LRP5: variants seen among roughly 807,000 people sequenced by gnomAD.
LRP5 encodes the protein LDL receptor related protein 5, also known as low-density lipoprotein receptor-related protein 5.
LRP5 carries 62 observed loss-of-function variants against 154.1 expected under a neutral mutation model. The observed-to-expected ratio is 0.40, with a 90% CI of 0.33 to 0.50. The LOEUF is 0.50. LRP5 is among the 20% of genes least tolerant of loss of function. The pLI, the probability that LRP5 is intolerant of heterozygous loss-of-function variation, is 0.55. For missense variants in LRP5, 1,915 were observed against 2,336.7 expected, an observed-to-expected ratio of 0.82 and a Z score of 3.72; for synonymous variants, 966 against 1,011.5, an observed-to-expected ratio of 0.96 and a Z score of 0.85.
chr11:68,402,360 G>T (rs1208663013), intron 7 of LRP5, among the ~76,000 whole-genome samples: 1 of 152,066 alleles, frequency 6.6e-6, no homozygotes, highest in Non-Finnish European at 1.5e-5. Context: ...TGGCTTTTGC[G>T]GTGGTTGCTT....
At chr11:68,300,713 G>C in the LRP5 span, among the ~76,000 whole-genome samples, 3 of 149,478 alleles carry the variant, frequency 2.0e-5, 1 homozygote, top group African/African-American at 7.3e-5. Flanking sequence ...GAGGTCCATG[G>C]TCCAGCTCCT....
intron 1 of LRP5, among the ~76,000 whole-genome samples, chr11:68,341,635 C>T (rs1162320668): frequency 6.6e-6 from 1 of 152,026 alleles, no homozygotes; most frequent in Non-Finnish European, 1.5e-5. Context: ...CCCAGAGGAC[C>T]AGCACCCGCC....
chr11:68,380,550 G>T (rs560911387), intron 5 of LRP5, among the ~76,000 whole-genome samples: 4 of 152,192 alleles, frequency 2.6e-5, no homozygotes, highest in Non-Finnish European at 4.4e-5. Context: ...TTTCCTTCCC[G>T]GCTTTTGTGT....
At position 68,439,830 on chromosome 11, in the gene LRP5, G is replaced by A. The variant is rs764802790; in HGVS notation, c.4402G>A (p.Gly1468Ser). Reference sequence around the variant, plus strand: ...CTCCGTGAGCCTGATGGGGGGCCGGGGCGGGGTGCCCCTCTACGACCGGAA... The same window carrying A: ...CTCCGTGAGCCTGATGGGGGGCCGGAGCGGGGTGCCCCTCTACGACCGGAA... ...MSSVSLMGGR[G>S]GVPLYDRNHV... Residue 1468 changes from glycine to serine, a missense_variant, in exon 21 of 23, where the codon GGC becomes AGC. Around this residue, in one of 3 missense-constraint regions of LRP5, gnomAD observed 1,094 missense variants for 1,210.1 expected, o/e 0.90. Coordinates refer to ENST00000294304, the MANE Select transcript of LRP5 (RefSeq NM_002335.4). 4.8e-5 allele frequency: 78 copies of A among 1,611,316 alleles called. No homozygotes were observed. Among genetic ancestry groups the A allele is most frequent in the Non-Finnish European group, 6.4e-5 (75 of 1,179,598 alleles).
At position 68,426,002 on chromosome 11, in the gene LRP5, A is replaced by G; in HGVS notation, c.3452A>G (p.Asp1151Gly). ...GGGGCCAACCGCCTGACCCTGGAGG[A>G]CGCCAACATCGTGCAGCCTCTGGGC... ...LSGANRLTLE[D>G]ANIVQPLGLT... is the part of the protein sequence containing the mutation. Residue 1151 changes from aspartate (D) to glycine (G), a missense_variant, in exon 16 of 23, where the codon GAC becomes GGC. By Grantham distance (94) the Asp-to-Gly change is moderately conservative. Transcript: ENST00000294304. 6.2e-7 allele frequency: 1 copy of G among 1,612,610 alleles called. No individual in the cohort carries two copies. The highest frequency in any genetic ancestry group is 1.3e-5 in the African/African-American group (1 of 75,046).
chr11:68,439,627 G>A lies in LRP5; in HGVS notation c.4349-150G>A, dbSNP rs371947442. On this transcript the variant is annotated intron_variant, in intron 20 of 22. Transcript: ENST00000294304. ...TCTAGTAGTGGCCAGAGAGGCCTGC[G>A]GCTCAGGGAGCGGGGCACATTTCCA... is the stretch of plus-strand genomic sequence containing the variant. 18 of 817,688 alleles carry A rather than the reference G, an allele frequency of 2.2e-5. No homozygotes were observed. In the East Asian group the frequency reaches 4.0e-4, roughly 18 times the overall value. 50.7% of individuals were successfully genotyped at this position (817,688 alleles called of 1,614,324 possible). A position where few individuals can be genotyped will look rare whatever the true frequency, so the allele number is the denominator to read the frequency against.
intron 1 of LRP5, among the ~76,000 whole-genome samples, chr11:68,339,917 T>A (rs1033028412): frequency 1.3e-5 from 2 of 152,234 alleles, no homozygotes; most frequent in African/African-American, 4.8e-5. Flanking sequence ...ACTACCAGGC[T>A]GTTTTCCACA....
At chr11:68,385,107 A>G (rs2153152198) in intron 5 of LRP5, among the ~76,000 whole-genome samples, 1 of 152,326 alleles carries the variant, frequency 6.6e-6, no homozygotes, top group Non-Finnish European at 1.5e-5. Flanking sequence ...AGGGGCTGGC[A>G]AATCCTGCCC....
chr11:68,343,905 G>A (rs1374923764), intron 1 of LRP5, among the ~76,000 whole-genome samples: 1 of 152,178 alleles, frequency 6.6e-6, no homozygotes, highest in African/African-American at 2.4e-5. Context: ...ATGTGCCGGG[G>A]CCTGGGGGCA....
chr11:68,316,518 G>A (rs995663145), intron 1 of LRP5, among the ~76,000 whole-genome samples: 11 of 152,128 alleles, frequency 7.2e-5, no homozygotes, highest in African/African-American at 2.2e-4. Flanking sequence ...GTGAGCTGCC[G>A]GCCTCGGCCT....
intron 5 of LRP5, among the ~76,000 whole-genome samples, chr11:68,380,224 G>A (rs1008909782): frequency 4.6e-5 from 7 of 152,206 alleles, no homozygotes; most frequent in Admixed American, 3.9e-4. Context: ...CCATGAGCTC[G>A]GAATGCTTTT....
At chr11:68,409,760 G>A (rs899867642) in intron 9 of LRP5, among the ~76,000 whole-genome samples, 154 bp from the exon 10 acceptor site, 1 of 151,672 alleles carries the variant, frequency 6.6e-6, no homozygotes, top group African/African-American at 2.4e-5. Flanking sequence ...TAAGGCTGGA[G>A]AATCGCTTGA....
chr11:68,309,580 CTTTTT>C (rs35335751), upstream of LRP5, among the ~76,000 whole-genome samples: 4 of 137,114 alleles, frequency 2.9e-5, no homozygotes, highest in East Asian at 4.3e-4. Context: ...CTTCATAATG[CTTTTT>C]TTTTTTTTTT....
intron 17 of LRP5, among the ~76,000 whole-genome samples, chr11:68,430,889 C>T (rs534337358): frequency 2.0e-5 from 3 of 152,256 alleles, no homozygotes; most frequent in African/African-American, 7.2e-5. Context: ...CTGGCTGGTG[C>T]CTGAATCTCT....
intron 18 of LRP5, among the ~76,000 whole-genome samples, chr11:68,435,483 G>GGAGAGAGAGAGAGA (rs10634157): frequency 4.7e-5 from 7 of 150,350 alleles, no homozygotes; most frequent in African/African-American, 7.4e-5. Context: ...AGGGAGCAAC[G>GGAGAGAGAGAGAGA]GAGAGAGAGA....
intron 1 of LRP5, among the ~76,000 whole-genome samples, chr11:68,344,034 G>A (rs908413817): frequency 2.0e-5 from 3 of 152,082 alleles, no homozygotes; most frequent in Non-Finnish European, 2.9e-5. Context: ...CAGAGCAGCT[G>A]CCTTCCCCCG....
In LRP5 at chr11:68,436,963, C is replaced by G. The variant is rs759424621; in HGVS notation, c.4075C>G (p.Pro1359Ala). 5 of 1,613,908 alleles carry G rather than the reference C, an allele frequency of 3.1e-6. No homozygotes were observed. In the South Asian group the frequency reaches 3.3e-5, roughly 11 times the overall value. ...VLIKQQCDSF[P>A]DCIDGSDELM... ...CATCAAACAGCAGTGCGACTCCTTC[C>G]CCGACTGTATCGACGGCTCCGACGA... is the stretch of plus-strand genomic sequence containing the variant. Residue 1359 changes from proline (P) to alanine (A), a missense_variant, in exon 19 of 23, where the codon CCC (proline) becomes GCC (alanine). By Grantham distance (27) the Pro-to-Ala change is conservative. Transcript: ENST00000294304.
Position 68,360,837 on chromosome 11 carries a change from A to G in LRP5, c.687-2910A>G, listed in dbSNP as rs1001283785. 8.9e-4 allele frequency among the ~76,000 whole-genome samples: 135 copies of G among 150,866 alleles called. 1 individual carries two copies. The highest frequency in any genetic ancestry group is 3.9e-3 in the Admixed American group (59 of 15,116). On this transcript the variant is annotated intron_variant, in intron 3 of 22. Transcript: ENST00000294304. The stretch of plus-strand genomic sequence containing the variant: ...ACGGTGAAACCTCGTCTCTACTAAA[A>G]ATACAAAACATTAGCCAGGTGTGGT...
At chr11:68,442,625 A>G (rs1037970137) in intron 21 of LRP5, among the ~76,000 whole-genome samples, 1 of 152,164 alleles carries the variant, frequency 6.6e-6, no homozygotes, top group African/African-American at 2.4e-5. Context: ...AAGAGTCAAC[A>G]TTGAGCCTTG....
Sources: allele counts gnomAD v4.1 joint callset (sites outside exome capture counted in the v4.1 genomes callset), GRCh38; gene constraint gnomAD v4.1.1; regional missense constraint gnomAD v4.1.1; transcripts MANE v1.5; gene names NCBI Gene and HGNC (gene_info 2026-07-23, HGNC 2026-07-21).